AP3B2: variants seen among roughly 807,000 people sequenced by gnomAD.
AP3B2 encodes the protein AP-3 complex subunit beta-2.
A neutral mutation model predicts 126.9 loss-of-function variants in AP3B2; 50 were observed. The observed-to-expected ratio is 0.39, with a 90% CI of 0.31 to 0.50. The LOEUF is 0.50. Among genes scored for constraint, AP3B2 ranks in the 20% least tolerant of loss-of-function variants. The pLI is 0.79. For missense variants in AP3B2, 1,177 were observed against 1,426.4 expected, an observed-to-expected ratio of 0.83 and a Z score of 2.82; for synonymous variants, 541 against 565.0, an observed-to-expected ratio of 0.96 and a Z score of 0.60.
At position 82,661,811 on chromosome 15, in the gene AP3B2, C is replaced by T. The variant is rs751740960; in HGVS notation, c.3016+14G>A. 6.2e-7 allele frequency: 1 copy of T among 1,605,472 alleles called. No homozygotes were observed. Among genetic ancestry groups the T allele is most frequent in the Non-Finnish European group, 8.5e-7 (1 of 1,174,942 alleles). ...CTATACTTCCCTCTCTGCCCACTCCCAGGGAGCACTCACCCTGTTCCTTCT... is the reference window on the plus strand; with the variant it reads ...CTATACTTCCCTCTCTGCCCACTCCTAGGGAGCACTCACCCTGTTCCTTCT... On this transcript the variant is annotated intron_variant, in intron 25 of 26. Transcript: ENST00000535359.
rs141011896 is a variant in AP3B2, at chr15:82,696,112, T to C, written c.114-6659A>G. On this transcript the variant is annotated intron_variant, in intron 1 of 26. Coordinates refer to ENST00000535359, the MANE Select transcript of AP3B2 (RefSeq NM_001278512.2). Reference sequence around the variant, plus strand: ...CCTCTTCTTATAAAGAAATCAGTCATATTGGATTAGGGCCCCCCTTAATAA... The same window carrying C: ...CCTCTTCTTATAAAGAAATCAGTCACATTGGATTAGGGCCCCCCTTAATAA... 1.5e-3 allele frequency among the ~76,000 whole-genome samples: 235 copies of C among 152,268 alleles called. 1 individual carries two copies. Among genetic ancestry groups the C allele is most frequent in the African/African-American group, 5.4e-3 (225 of 41,552 alleles).
Position 82,681,259 on chromosome 15 carries a change from T to G in AP3B2, c.522-81A>C. ...ATCTGTCCAAGCCATGCTCACCTCCTGCACCCCAGCCTTATTGTTCTCCTC... is the reference window on the plus strand; with the variant it reads ...ATCTGTCCAAGCCATGCTCACCTCCGGCACCCCAGCCTTATTGTTCTCCTC... On this transcript the variant is annotated intron_variant, in intron 5 of 26. Transcript: ENST00000535359. This position sits in a 1 kb window ranked among gnomAD's most constrained non-coding sequence, Gnocchi z 4.0. 6.5e-7 allele frequency: 1 copy of G among 1,536,340 alleles called. No individual in the cohort carries two copies. The highest frequency in any genetic ancestry group is 2.4e-5 in the East Asian group (1 of 41,962).
chr15:82,696,124 G>A (rs571855138), intron 1 of AP3B2, among the ~76,000 whole-genome samples: 3 of 152,004 alleles, frequency 2.0e-5, no homozygotes, highest in Non-Finnish European at 4.4e-5. Flanking sequence ...TTGGATTAGG[G>A]CCCCCCTTAA....
At chr15:82,693,296 G>A (rs1393941121) in intron 1 of AP3B2, among the ~76,000 whole-genome samples, 1 of 149,924 alleles carries the variant, frequency 6.7e-6, no homozygotes. Context: ...GCCCAGGCTG[G>A]AGTGCAATGG....
At chr15:82,662,541 G>T in intron 23 of AP3B2, 153 bp downstream of exon 23, 1 of 783,926 alleles carries the variant, frequency 1.3e-6, no homozygotes, top group Non-Finnish European at 2.0e-6. Context: ...TTCATCATCT[G>T]TCTTGTCCAC....
chr15:82,703,203 G>T (rs2151461784), intron 1 of AP3B2, among the ~76,000 whole-genome samples: 1 of 152,280 alleles, frequency 6.6e-6, no homozygotes, highest in South Asian at 2.1e-4. Flanking sequence ...CCGCGAGGAT[G>T]CCTGCCTTGA....
In AP3B2 at chr15:82,680,591, C is replaced by T. The variant is rs1179027036; in HGVS notation, c.936G>A (p.Leu312=). The T allele has an allele frequency of 6.3e-7, 1 of 1,594,666 alleles. No individual in the cohort carries two copies. The highest frequency in any genetic ancestry group is 1.1e-5 in the South Asian group (1 of 90,350). Residue 312 remains leucine, a synonymous_variant, in exon 8 of 27, where the codon CTG becomes CTA. Transcript: ENST00000535359. The surrounding 1 kb of genome is among the most constrained non-coding windows in gnomAD (Gnocchi z 6.1). ...HRLLLRNTKP[L]LQSRSAAVVM... ...CCACCGCGGCGCTGCGGCTCTGCAG[C>T]AGGGGTTTGGTGTTGCGCAGCAGCA...
At chr15:82,689,500 G>A (rs1257685793) in intron 1 of AP3B2, 47 bp from the exon 2 acceptor site, 1 of 1,577,838 alleles carries the variant, frequency 6.3e-7, no homozygotes, top group Non-Finnish European at 8.7e-7. Context: ...GGGTGGGGAT[G>A]GGGTATTAAT....
Position 82,680,044 on chromosome 15 carries a change from C to A in AP3B2, c.1110+131G>T. 7.6e-7 allele frequency: 1 copy of A among 1,323,646 alleles called. No homozygotes were observed. Among genetic ancestry groups the A allele is most frequent in the Non-Finnish European group, 1.0e-6 (1 of 957,956 alleles). 82.0% of individuals were successfully genotyped at this position (1,323,646 alleles called of 1,614,324 possible). A position where few individuals can be genotyped will look rare whatever the true frequency, so the allele number is the denominator to read the frequency against. On this transcript the variant is annotated intron_variant, in intron 9 of 26. Coordinates refer to ENST00000535359, the MANE Select transcript of AP3B2 (RefSeq NM_001278512.2). This position sits in a 1 kb window ranked among gnomAD's most constrained non-coding sequence, Gnocchi z 6.1. ...ATCTGTATTTGGAGCCTCCCCTGCC[C>A]CATCCTCTGCACAGCCAGGGTATTC...
In AP3B2 at chr15:82,664,595, C is replaced by G; in HGVS notation, c.2138-105G>C. 1 of 1,359,686 alleles carries G rather than the reference C, an allele frequency of 7.4e-7. No individual in the cohort carries two copies. Among genetic ancestry groups the G allele is most frequent in the South Asian group, 1.3e-5 (1 of 78,704 alleles). The allele number at this position is 1,359,686 out of a possible 1,614,324, so 84.2% of individuals were successfully genotyped here. The stretch of plus-strand genomic sequence containing the variant: ...CACATTCAGTACTGAACCCTCAAAC[C>G]TCTCTGACCTGCCCCCAGCCCTACA... On this transcript the variant is annotated intron_variant, in intron 18 of 26. Transcript: ENST00000535359. The surrounding 1 kb of genome is among the most constrained non-coding windows in gnomAD (Gnocchi z 4.5).
intron 10 of AP3B2, among the ~76,000 whole-genome samples, chr15:82,679,056 G>A (rs1171313242): frequency 2.6e-5 from 4 of 152,206 alleles, no homozygotes; most frequent in Non-Finnish European, 4.4e-5. Flanking sequence ...GTGGGTGGGA[G>A]AGAAAAGTGT....
chr15:82,665,225 A>G lies in AP3B2; in HGVS notation c.2028+22T>C. 6.5e-7 allele frequency: 1 copy of G among 1,536,036 alleles called. No homozygotes were observed. Among genetic ancestry groups the G allele is most frequent in the Non-Finnish European group, 8.7e-7 (1 of 1,146,034 alleles). Reference sequence around the variant, plus strand: ...ACACAGACAGGGCAGGGGAGAGAGCACACGTCACACGAAGGTGGGACCTCA... The same window carrying G: ...ACACAGACAGGGCAGGGGAGAGAGCGCACGTCACACGAAGGTGGGACCTCA... On this transcript the variant is annotated intron_variant, in intron 17 of 26. Coordinates refer to ENST00000535359, the MANE Select transcript of AP3B2 (RefSeq NM_001278512.2). This position sits in a 1 kb window ranked among gnomAD's most constrained non-coding sequence, Gnocchi z 4.4.
At chr15:82,691,633 G>A (rs2048534755) in intron 1 of AP3B2, 4 of 988,384 alleles carry the variant, frequency 4.0e-6, no homozygotes, top group African/African-American at 1.7e-5. Context: ...AATTTCCTAA[G>A]ACGCTAAATC....
intron 25 of AP3B2, among the ~76,000 whole-genome samples, chr15:82,660,513 G>A (rs1286860322): frequency 6.6e-6 from 1 of 152,066 alleles, no homozygotes; most frequent in South Asian, 2.1e-4. Context: ...CCTAGCCAGG[G>A]CTCCTGAAGC....
chr15:82,673,369 A>T (rs931472554), intron 14 of AP3B2, among the ~76,000 whole-genome samples: 1 of 151,960 alleles, frequency 6.6e-6, no homozygotes, highest in Admixed American at 6.6e-5. Flanking sequence ...GCACCACCAC[A>T]CCCAGCTAAT....
Position 82,659,469 on chromosome 15 carries a change from T to A in AP3B2, c.*91A>T. 1 of 1,493,412 alleles carries A rather than the reference T, an allele frequency of 6.7e-7. No homozygotes were observed. Among genetic ancestry groups the A allele is most frequent in the South Asian group, 1.2e-5 (1 of 82,364 alleles). 92.5% of individuals were successfully genotyped at this position (1,493,412 alleles called of 1,614,324 possible). A position where few individuals can be genotyped will look rare whatever the true frequency, so the allele number is the denominator to read the frequency against. ...ATGCTATCTGGCATGAGGAGGATGA[T>A]GAGAGAGAGAGAGAAAGATGAGAGA... On this transcript the variant is annotated 3_prime_UTR_variant, in exon 27 of 27. Transcript: ENST00000535359.
chr15:82,707,446 T>C (rs1310551003), intron 1 of AP3B2, among the ~76,000 whole-genome samples: 3 of 152,160 alleles, frequency 2.0e-5, no homozygotes. Context: ...CCCAGAAAAC[T>C]TGTCATCCCT....
chr15:82,688,375 T>C, intron 4 of AP3B2: 1 of 700,364 alleles, frequency 1.4e-6, no homozygotes, highest in Non-Finnish European at 2.6e-6. Flanking sequence ...TACCTGGCTG[T>C]GGACCACAAT....
rs915495927 is a variant in AP3B2 at position 82,681,688 on chromosome 15, C to T, written c.361-108G>A. 5.5e-4 allele frequency: 676 copies of T among 1,235,296 alleles called. 1 individual carries two copies. The highest frequency in any genetic ancestry group is 7.0e-4 in the Non-Finnish European group (630 of 896,966). 76.5% of individuals were successfully genotyped at this position (1,235,296 alleles called of 1,614,324 possible). A position where few individuals can be genotyped will look rare whatever the true frequency, so the allele number is the denominator to read the frequency against. On this transcript the variant is annotated intron_variant, in intron 4 of 26. Coordinates refer to ENST00000535359, the MANE Select transcript of AP3B2 (RefSeq NM_001278512.2). This position sits in a 1 kb window ranked among gnomAD's most constrained non-coding sequence, Gnocchi z 4.0. ...CCCCAGCGACCACTAGCTCTTGCTT[C>T]CCTGCCGCTTGACTGGAGCCTGGAT...
Sources: gnomAD v4.1 joint callset for allele counts (sites outside exome capture counted in the v4.1 genomes callset) on GRCh38, gnomAD v4.1.1 for gene constraint, Gnocchi (gnomAD v3.1) non-coding constraint, MANE v1.5 for transcripts, NCBI Gene and HGNC (gene_info 2026-07-23, HGNC 2026-07-21) for gene names.